Variants in WDR7 observed in about 807,000 individuals in gnomAD.
The protein encoded by WDR7 is WD repeat-containing protein 7.
In WDR7, 46 loss-of-function variants were observed where a neutral mutation model predicts 169.4. That is an observed-to-expected ratio of 0.27 (90% CI 0.21 to 0.35). WDR7 has a LOEUF of 0.35. Ranked by LOEUF, WDR7 falls within the 10% of genes least tolerant of loss-of-function variation. The probability of loss-of-function intolerance (pLI) is 1.00; values close to 1 mark genes in which losing one functional copy is unlikely to be tolerated. For missense variants in WDR7, 1,534 were observed against 1,859.3 expected, an observed-to-expected ratio of 0.83 and a Z score of 3.22; for synonymous variants, 612 against 666.8, an observed-to-expected ratio of 0.92 and a Z score of 1.27.
chr18:56,938,719 C>T (rs780845599), intron 24 of WDR7, 37 bp downstream of exon 24: 3 of 1,607,294 alleles, frequency 1.9e-6, no homozygotes, highest in Non-Finnish European at 2.5e-6. Flanking sequence ...CATCAGCAAC[C>T]TAAATTAAAT....
At chr18:56,969,256 C>T (rs1338487837) in intron 26 of WDR7, among the ~76,000 whole-genome samples, 1 of 152,202 alleles carries the variant, frequency 6.6e-6, no homozygotes, top group Non-Finnish European at 1.5e-5. Flanking sequence ...TATCCAGTTA[C>T]TAAGTTCAGT....
intron 19 of WDR7, among the ~76,000 whole-genome samples, chr18:56,796,531 T>C (rs1192500279): frequency 6.6e-6 from 1 of 152,138 alleles, no homozygotes; most frequent in Non-Finnish European, 1.5e-5. Context: ...TGTGGTGAGA[T>C]TTTACTTGAA....
chr18:57,024,010 G>A (rs140523996), intron 27 of WDR7, among the ~76,000 whole-genome samples: 173 of 152,228 alleles, frequency 1.1e-3, no homozygotes, highest in African/African-American at 3.7e-3. Flanking sequence ...TTTAATATAA[G>A]CTTGTTTATA....
chr18:56,740,669 G>T (rs1295126942), intron 14 of WDR7, among the ~76,000 whole-genome samples: 1 of 151,944 alleles, frequency 6.6e-6, no homozygotes, highest in Non-Finnish European at 1.5e-5. Context: ...GTCCTTCCAG[G>T]GCTTCCAACA....
rs144741106 is a variant in WDR7 at position 56,678,785 on chromosome 18, G to A, written c.160-547G>A. Among the ~76,000 whole-genome samples, 55 of 152,258 alleles carry A rather than the reference G, an allele frequency of 3.6e-4. 1 individual carries two copies. Among genetic ancestry groups the A allele is most frequent in the Admixed American group, 3.1e-3 (47 of 15,294 alleles). On this transcript the variant is annotated intron_variant, in intron 2 of 27. Coordinates refer to ENST00000254442, the MANE Select transcript of WDR7 (RefSeq NM_015285.3). ...GCTGGGATTACAGACATGAGGCACC[G>A]CACCCAGCAGCACTGTGGTTCTTGC...
intron 14 of WDR7, among the ~76,000 whole-genome samples, chr18:56,750,625 C>T (rs1010338204): frequency 2.0e-5 from 3 of 152,136 alleles, no homozygotes; most frequent in African/African-American, 7.2e-5. Context: ...ACTAAGCTTC[C>T]TGCTAGAGAA....
At chr18:56,851,248 G>A (rs542528963) in intron 20 of WDR7, among the ~76,000 whole-genome samples, 1 of 151,864 alleles carries the variant, frequency 6.6e-6, no homozygotes, top group South Asian at 2.1e-4. Context: ...CTTTCTCTGT[G>A]GTTAGTTCTC....
In WDR7 at chr18:56,932,874, GGTGTGT is replaced by G. The variant is rs34838445; in HGVS notation, c.3714-2887_3714-2882del. 3.1e-3 allele frequency among the ~76,000 whole-genome samples: 412 copies of G among 131,970 alleles called. 2 individuals are homozygous for G. Among genetic ancestry groups the G allele is most frequent in the Non-Finnish European group, 4.7e-3 (309 of 66,136 alleles). The allele number at this position is 131,970 out of a possible 152,430, so 86.6% of individuals were successfully genotyped here. A position where few individuals can be genotyped will look rare whatever the true frequency, so the allele number is the denominator to read the frequency against. ...CACATGATTGTATCTCTTCATTCTG[GGTGTGT>G]GTGTGTGTGTGTGTGTGTGTGTGTG... On this transcript the variant is annotated intron_variant, in intron 22 of 27. Transcript: ENST00000254442.
At chr18:56,744,805 T>A (rs752809486) in intron 14 of WDR7, among the ~76,000 whole-genome samples, 11 of 152,158 alleles carry the variant, frequency 7.2e-5, no homozygotes, top group Non-Finnish European at 1.3e-4. Flanking sequence ...TTACAGCAGT[T>A]TGTGCTCCAA....
chr18:56,744,112 G>A (rs1307780482), intron 14 of WDR7, among the ~76,000 whole-genome samples: 3 of 151,568 alleles, frequency 2.0e-5, no homozygotes, highest in African/African-American at 7.3e-5. Flanking sequence ...AGTGGCGGGC[G>A]CCTGTAGTCC....
intron 19 of WDR7, among the ~76,000 whole-genome samples, chr18:56,814,552 A>G (rs948876528): frequency 6.6e-6 from 1 of 152,164 alleles, no homozygotes; most frequent in African/African-American, 2.4e-5. Flanking sequence ...AATTGATCAT[A>G]TAAATCTAAC....
At chr18:56,693,308 A>G (rs2025617937) in intron 9 of WDR7, among the ~76,000 whole-genome samples, 1 of 152,160 alleles carries the variant, frequency 6.6e-6, no homozygotes, top group African/African-American at 2.4e-5. Flanking sequence ...TTTTAGTAGA[A>G]GTCCACCACA....
At chr18:56,932,882 T>G (rs868449696) in intron 22 of WDR7, among the ~76,000 whole-genome samples, 39 of 129,538 alleles carry the variant, frequency 3.0e-4, no homozygotes, top group African/African-American at 1.8e-3. Flanking sequence ...TGGGTGTGTG[T>G]GTGTGTGTGT....
intron 25 of WDR7, among the ~76,000 whole-genome samples, chr18:56,951,518 C>T (rs2047182990): frequency 1.3e-5 from 2 of 152,102 alleles, no homozygotes. Flanking sequence ...CTCAGCAACC[C>T]TAAGCATTTG....
chr18:56,989,902 G>A (rs1253687678), intron 26 of WDR7, among the ~76,000 whole-genome samples: 1 of 151,994 alleles, frequency 6.6e-6, no homozygotes, highest in Non-Finnish European at 1.5e-5. Flanking sequence ...ACAGTCTTTG[G>A]ATTTTAAACT....
chr18:56,739,933 T>C (rs1341008583), intron 14 of WDR7, among the ~76,000 whole-genome samples: 3 of 151,636 alleles, frequency 2.0e-5, no homozygotes, highest in Non-Finnish European at 4.4e-5. Flanking sequence ...TTTGAATCTG[T>C]AGGTTTGTGT....
intron 20 of WDR7, among the ~76,000 whole-genome samples, chr18:56,869,601 A>G (rs1376875219): frequency 6.6e-6 from 1 of 152,232 alleles, no homozygotes; most frequent in East Asian, 1.9e-4. Flanking sequence ...AAGATTAGCT[A>G]TACACACAGT....
intron 26 of WDR7, among the ~76,000 whole-genome samples, chr18:57,003,665 C>T (rs1049886937): frequency 3.3e-5 from 5 of 151,950 alleles, no homozygotes; most frequent in African/African-American, 4.8e-5. Flanking sequence ...TTGGATCACA[C>T]GAATCTTTCA....
At chr18:56,837,154 C>T (rs1008335562) in intron 20 of WDR7, among the ~76,000 whole-genome samples, 5 of 152,184 alleles carry the variant, frequency 3.3e-5, no homozygotes, top group African/African-American at 9.7e-5. Flanking sequence ...GTGACCATTG[C>T]TGTCAATATA....
Sources: allele counts gnomAD v4.1 joint callset (sites outside exome capture counted in the v4.1 genomes callset), GRCh38; gene constraint gnomAD v4.1.1; transcripts MANE v1.5; gene names NCBI Gene and HGNC (gene_info 2026-07-23, HGNC 2026-07-21).